AR: variants seen among roughly 807,000 people sequenced by gnomAD.
AR encodes the protein dihydrotestosterone receptor.
A neutral mutation model predicts 53.9 loss-of-function variants in AR; 8 were observed. That is an observed-to-expected ratio of 0.15 (90% CI 0.09 to 0.27). The LOEUF is 0.27. Among genes scored for constraint, AR ranks in the 10% least tolerant of loss-of-function variants. The pLI is 1.00. For synonymous variants in AR, 359 were observed against 316.4 expected, an observed-to-expected ratio of 1.13 and a Z score of -1.43; for missense variants, 639 against 742.5, an observed-to-expected ratio of 0.86 and a Z score of 1.62.
intron 1 of AR, among the ~76,000 whole-genome samples, chrX:67,548,236 G>A (rs926400798): frequency 9.0e-6 from 1 of 111,684 alleles, no homozygotes; most frequent in Non-Finnish European, 1.9e-5. Flanking sequence ...GAGGAGGGTA[G>A]GATTTCATAT....
At chrX:67,703,306 C>A (rs1283206736) in intron 3 of AR, among the ~76,000 whole-genome samples, 1 of 111,619 alleles carries the variant, frequency 9.0e-6, no homozygotes. Context: ...GAATTATGAC[C>A]TTTTCAATTA....
intron 2 of AR, among the ~76,000 whole-genome samples, chrX:67,672,816 G>T (rs2075874220): frequency 9.0e-6 from 1 of 111,036 alleles, no homozygotes; most frequent in South Asian, 3.8e-4. Context: ...ACAATATTCT[G>T]TGTTTTTCTG....
At chrX:67,684,887 C>G (rs748357073) in intron 2 of AR, among the ~76,000 whole-genome samples, 38 of 110,904 alleles carry the variant, frequency 3.4e-4, no homozygotes, top group African/African-American at 1.2e-3. Flanking sequence ...TTTCTACTCT[C>G]AAATATCAAT....
At chrX:67,600,223 A>T (rs1923289752) in intron 1 of AR, among the ~76,000 whole-genome samples, 1 of 111,602 alleles carries the variant, frequency 9.0e-6, no homozygotes, top group African/African-American at 3.2e-5. Context: ...TTGATTTTTT[A>T]AAAACAATGA....
chrX:67,730,026 A>G lies in AR; in HGVS notation c.*6185A>G, dbSNP rs2076173628. 5.7e-6 allele frequency: 1 copy of G among 175,273 alleles called. No individual in the cohort carries two copies. Among genetic ancestry groups the G allele is most frequent in the Non-Finnish European group, 1.1e-5 (1 of 91,441 alleles). 14.4% of individuals were successfully genotyped at this position (175,273 alleles called of 1,213,427 possible). ...AAAAGTCCCCTCACAACCCAGTGAC[A>G]CCTTTCTGCTTTCCTCTAGACTGGA... On this transcript the variant is annotated 3_prime_UTR_variant, in exon 8 of 8. Transcript: ENST00000374690.
chrX:67,631,173 C>G (rs956409786), intron 1 of AR, among the ~76,000 whole-genome samples: 9 of 111,159 alleles, frequency 8.1e-5, no homozygotes, highest in African/African-American at 2.9e-4. Flanking sequence ...TTTCCTGAAT[C>G]TGAATGTTGG....
chrX:67,626,090 TTTAG>T lies in AR; in HGVS notation c.1617-17162_1617-17159del, dbSNP rs748218518. ...GTTACAAACAATCCAATTATACTCT[TTTAG>T]TTATTTTTAAATGTACAGTACATTA... On this transcript the variant is annotated intron_variant, in intron 1 of 7. Coordinates refer to ENST00000374690, the MANE Select transcript of AR (RefSeq NM_000044.6). 3.6e-5 allele frequency among the ~76,000 whole-genome samples: 4 copies of T among 111,274 alleles called. No individual in the cohort carries two copies. The East Asian group carries it at 8.5e-4, about 24-fold the overall frequency.
chrX:67,575,219 G>A lies in AR; in HGVS notation c.1616+28457G>A, dbSNP rs1165653959. Reference sequence around the variant, plus strand: ...AATTCATTTTTAAAAAGGAGAGGGAGAGAGAAAAGGAAAAACTGGGCCACC... The same window carrying A: ...AATTCATTTTTAAAAAGGAGAGGGAAAGAGAAAAGGAAAAACTGGGCCACC... On this transcript the variant is annotated intron_variant, in intron 1 of 7. Coordinates refer to ENST00000374690, the MANE Select transcript of AR (RefSeq NM_000044.6). 5.4e-5 allele frequency among the ~76,000 whole-genome samples: 6 copies of A among 111,106 alleles called. No individual in the cohort carries two copies. The East Asian group carries it at 1.7e-3, about 32-fold the overall frequency.
intron 2 of AR, among the ~76,000 whole-genome samples, chrX:67,657,903 A>G (rs968203672): frequency 1.8e-5 from 2 of 111,231 alleles, no homozygotes; most frequent in Non-Finnish European, 3.8e-5. Context: ...CATTTCCACC[A>G]TTGGAAATTC....
chrX:67,586,626 C>G (rs914978431), intron 1 of AR, among the ~76,000 whole-genome samples: 2 of 112,231 alleles, frequency 1.8e-5, no homozygotes, highest in East Asian at 5.6e-4. Context: ...TTTCAGGCTT[C>G]CAATTTTCTC....
chrX:67,716,613 G>T (rs1007952669), intron 4 of AR, among the ~76,000 whole-genome samples: 1 of 110,936 alleles, frequency 9.0e-6, no homozygotes. Context: ...TAGGGCCAGG[G>T]TACCTATTGA....
At chrX:67,693,428 C>T (rs977046103) in intron 3 of AR, among the ~76,000 whole-genome samples, 1 of 112,222 alleles carries the variant, frequency 8.9e-6, no homozygotes, top group African/African-American at 3.2e-5. Flanking sequence ...AAAAGCTTCA[C>T]TTTCGTTGGT....
chrX:67,560,038 A>G (rs1192182452), intron 1 of AR, among the ~76,000 whole-genome samples: 3 of 111,789 alleles, frequency 2.7e-5, no homozygotes, highest in South Asian at 3.8e-4. Flanking sequence ...AATTTTAACC[A>G]TGCTCATACT....
chrX:67,707,112 A>T (rs1168585269), intron 3 of AR, among the ~76,000 whole-genome samples: 3 of 111,865 alleles, frequency 2.7e-5, no homozygotes, highest in Non-Finnish European at 5.6e-5. Context: ...TGCTGAGAAG[A>T]ATGTATATTC....
At chrX:67,680,036 C>T (rs1050574553) in intron 2 of AR, among the ~76,000 whole-genome samples, 11 of 111,828 alleles carry the variant, frequency 9.8e-5, no homozygotes, top group Non-Finnish European at 1.3e-4. Flanking sequence ...TACATGATTT[C>T]CTCTTTTAAA....
intron 2 of AR, among the ~76,000 whole-genome samples, chrX:67,647,627 C>T (rs1489196738): frequency 2.7e-5 from 3 of 112,143 alleles, no homozygotes; most frequent in African/African-American, 3.2e-5. Flanking sequence ...CCTGACTTTG[C>T]GAGTCCTAGA....
rs2076160825 is a variant in AR at position 67,727,089 on chromosome X, TC to T, written c.*3249del. The T allele has an allele frequency of 5.8e-6, 1 of 172,484 alleles. No homozygotes were observed. The allele number at this position is 172,484 out of a possible 1,213,427, so 14.2% of individuals were successfully genotyped here. A position where few individuals can be genotyped will look rare whatever the true frequency, so the allele number is the denominator to read the frequency against. On this transcript the variant is annotated 3_prime_UTR_variant, in exon 8 of 8. Transcript: ENST00000374690. ...AAAAGAGTCGTGTGGCAGTTTCAGC[TC>T]TCGTTCATTGGGCAGCTCGCCTAGG...
At chrX:67,646,276 A>T (rs750088225) in intron 2 of AR, among the ~76,000 whole-genome samples, 1 of 111,343 alleles carries the variant, frequency 9.0e-6, no homozygotes, top group East Asian at 2.8e-4. Flanking sequence ...GTTGAGGAAG[A>T]GTGGGAAGAG....
intron 2 of AR, among the ~76,000 whole-genome samples, chrX:67,661,795 G>T (rs1452355178): frequency 9.0e-6 from 1 of 111,300 alleles, no homozygotes; most frequent in East Asian, 2.8e-4. Context: ...CCTCTGGTAG[G>T]ATTCAGCTGT....
Sources: gnomAD v4.1 joint callset for allele counts (sites outside exome capture counted in the v4.1 genomes callset) on GRCh38, gnomAD v4.1.1 for gene constraint, MANE v1.5 for transcripts, NCBI Gene and HGNC (gene_info 2026-07-23, HGNC 2026-07-21) for gene names.